The following RALGAPA1 variants were observed in gnomAD, a reference collection of about 807,000 sequenced individuals.
RALGAPA1 encodes ral GTPase-activating protein subunit alpha-1.
Under a neutral mutation model 269.6 loss-of-function variants are expected in RALGAPA1, and 52 were observed. The ratio of observed to expected loss-of-function variants is 0.19; its 90% CI spans 0.15 to 0.24. The LOEUF is 0.24. RALGAPA1 is among the 10% of genes least tolerant of loss of function. RALGAPA1 has a pLI of 1.00. For synonymous variants in RALGAPA1, 817 were observed against 1,008.3 expected (o/e 0.81, Z 3.60); for missense variants, 1,917 against 3,013.9 (o/e 0.64, Z 8.52).
chr14:35,661,085 C>G (rs111673140), intron 27 of RALGAPA1, among the ~76,000 whole-genome samples: 46 of 152,120 alleles, frequency 3.0e-4, no homozygotes, highest in African/African-American at 8.7e-4. Context: ...GGTACTGGTA[C>G]TGTACACTTG....
chr14:35,739,217 G>C (rs1284156839), intron 11 of RALGAPA1, among the ~76,000 whole-genome samples: 2 of 152,162 alleles, frequency 1.3e-5, no homozygotes, highest in Admixed American at 6.5e-5. Flanking sequence ...ATGCCACTCT[G>C]CAGTTCTCTT....
rs1196017086 is a variant in RALGAPA1, at chr14:35,688,897, C to T, written c.3514G>A (p.Ala1172Thr). 6 of 1,264,002 alleles carry T rather than the reference C, an allele frequency of 4.7e-6. No homozygotes were observed. Among genetic ancestry groups the T allele is most frequent in the African/African-American group, 4.6e-5 (3 of 65,762 alleles). 78.3% of individuals were successfully genotyped at this position (1,264,002 alleles called of 1,614,324 possible). A position where few individuals can be genotyped will look rare whatever the true frequency, so the allele number is the denominator to read the frequency against. ...QFYNPLENKE[A>T]PWKMRLRKLG... ...TTCCGCAGTCTCATCTTCCATGGAG[C>T]CTCTTTGTTTTCCAGAGGATTATAA... Residue 1172 changes from alanine to threonine, a missense_variant, in exon 18 of 42, where the codon GCT (alanine) becomes ACT (threonine). By Grantham distance (58) the Ala-to-Thr change is moderately conservative. Transcript: ENST00000680220.
chr14:35,625,681 G>A (rs1469070087), intron 34 of RALGAPA1, among the ~76,000 whole-genome samples: 2 of 152,284 alleles, frequency 1.3e-5, no homozygotes, highest in African/African-American at 2.4e-5. Context: ...CAGATGTTGT[G>A]AGCCTCCTAA....
chr14:35,671,397 A>G lies in RALGAPA1; in HGVS notation c.5194T>C (p.Phe1732Leu), dbSNP rs1236708799. Residue 1732 changes from phenylalanine to leucine, a missense_variant, in exon 26 of 42, where the codon TTT (phenylalanine) becomes CTT (leucine). Phe to Leu is a conservative substitution (Grantham distance 22). Coordinates refer to ENST00000680220, the MANE Select transcript of RALGAPA1 (RefSeq NM_001346249.2). ...VAAGRVASSA[F>L]LNAPRVEAQV... ...AACAGGAAATGACTTACATTGAGAA[A>G]AGCTGAAGAAGCCACTCTACCAGCT... is the stretch of plus-strand genomic sequence containing the variant. 6.2e-7 allele frequency: 1 copy of G among 1,609,006 alleles called. No homozygotes were observed. The highest frequency in any genetic ancestry group is 8.5e-7 in the Non-Finnish European group (1 of 1,178,168).
chr14:35,542,126 T>G (rs2054065921), intron 41 of RALGAPA1: 1 of 610,070 alleles, frequency 1.6e-6, no homozygotes, highest in Admixed American at 3.2e-5. Context: ...CACTGTACTG[T>G]TGGCATGTTA....
chr14:35,614,413 C>T (rs1417734679), intron 35 of RALGAPA1, among the ~76,000 whole-genome samples: 2 of 151,974 alleles, frequency 1.3e-5, no homozygotes, highest in African/African-American at 2.4e-5. Flanking sequence ...CATGCTGCAT[C>T]GTGAATGAAC....
chr14:35,804,303 G>A (rs898205636), intron 1 of RALGAPA1, among the ~76,000 whole-genome samples: 8 of 149,894 alleles, frequency 5.3e-5, no homozygotes, highest in African/African-American at 2.0e-4. Context: ...GGGCGCGGTG[G>A]CTCACACCTG....
At chr14:35,616,981 G>A (rs186454326) in intron 35 of RALGAPA1, among the ~76,000 whole-genome samples, 179 of 152,202 alleles carry the variant, frequency 1.2e-3, no homozygotes, top group African/African-American at 3.9e-3. Flanking sequence ...TCTTATAACC[G>A]TCTTGGAAAG....
intron 4 of RALGAPA1, among the ~76,000 whole-genome samples, chr14:35,770,585 T>C (rs574359014): frequency 1.3e-5 from 2 of 152,224 alleles, no homozygotes; most frequent in South Asian, 4.1e-4. Flanking sequence ...ACAACACAAA[T>C]GTCCATTCTA....
At chr14:35,769,347 G>A (rs1595494870) in intron 4 of RALGAPA1, among the ~76,000 whole-genome samples, 1 of 151,918 alleles carries the variant, frequency 6.6e-6, no homozygotes, top group Non-Finnish European at 1.5e-5. Flanking sequence ...AATTAACATG[G>A]GAACAGAAAA....
At chr14:35,550,804 A>G (rs2054928122) in intron 39 of RALGAPA1, among the ~76,000 whole-genome samples, 1 of 152,278 alleles carries the variant, frequency 6.6e-6, no homozygotes, top group South Asian at 2.1e-4. Flanking sequence ...GTGAACTTCA[A>G]AAGAATTTTA....
chr14:35,556,890 C>T (rs1293611242), intron 39 of RALGAPA1, among the ~76,000 whole-genome samples: 1 of 152,080 alleles, frequency 6.6e-6, no homozygotes, highest in Non-Finnish European at 1.5e-5. Context: ...GCTCATAAAT[C>T]AGTCAATTAC....
At chr14:35,699,286 G>A (rs2067146906) in intron 17 of RALGAPA1, among the ~76,000 whole-genome samples, 1 of 152,080 alleles carries the variant, frequency 6.6e-6, no homozygotes, top group South Asian at 2.1e-4. Flanking sequence ...GTGATGAACA[G>A]CAAAAAGTTG....
chr14:35,770,207 T>C (rs1595497543), intron 4 of RALGAPA1, among the ~76,000 whole-genome samples: 1 of 152,250 alleles, frequency 6.6e-6, no homozygotes, highest in East Asian at 1.9e-4. Flanking sequence ...GAAAAAGCAT[T>C]TGGCAAACTA....
At chr14:35,551,901 T>C (rs2055049305) in intron 39 of RALGAPA1, among the ~76,000 whole-genome samples, 1 of 152,148 alleles carries the variant, frequency 6.6e-6, no homozygotes, top group Non-Finnish European at 1.5e-5. Context: ...TCTAAAATTA[T>C]TTTAAAAGTT....
intron 39 of RALGAPA1, among the ~76,000 whole-genome samples, chr14:35,553,227 AT>A (rs1594540044): frequency 6.6e-6 from 1 of 152,174 alleles, no homozygotes; most frequent in African/African-American, 2.4e-5. Flanking sequence ...TAGGAGGGCA[AT>A]TTTTGATGTC....
At chr14:35,685,546 A>G (rs1466622043) in intron 19 of RALGAPA1, among the ~76,000 whole-genome samples, 5 of 152,180 alleles carry the variant, frequency 3.3e-5, no homozygotes, top group African/African-American at 4.8e-5. Flanking sequence ...CTAAAAAGAA[A>G]GGGGCGGGGT....
intron 39 of RALGAPA1, among the ~76,000 whole-genome samples, chr14:35,560,401 A>G (rs2056096430): frequency 6.6e-6 from 1 of 152,176 alleles, no homozygotes; most frequent in Non-Finnish European, 1.5e-5. Flanking sequence ...TACCCTTAAA[A>G]AATTCTTCCC....
intron 35 of RALGAPA1, among the ~76,000 whole-genome samples, chr14:35,618,638 C>T (rs796171960): frequency 6.6e-6 from 1 of 152,054 alleles, no homozygotes; most frequent in African/African-American, 2.4e-5. Flanking sequence ...TAAGCAAAGA[C>T]AAGCATAACT....
Sources: allele counts gnomAD v4.1 joint callset (sites outside exome capture counted in the v4.1 genomes callset), GRCh38; gene constraint gnomAD v4.1.1; transcripts MANE v1.5; gene names NCBI Gene and HGNC (gene_info 2026-07-23, HGNC 2026-07-21).